Variants in CLIP1 observed in about 807,000 individuals in gnomAD.
CLIP1 encodes the protein CAP-Gly domain-containing linker protein 1.
In CLIP1, 66 loss-of-function variants were observed where a neutral mutation model predicts 161.6. The ratio of observed to expected loss-of-function variants is 0.41; its 90% CI spans 0.33 to 0.50. The LOEUF (loss-of-function observed/expected upper bound fraction) is 0.50. CLIP1 is among the 20% of genes least tolerant of loss of function. The pLI, the probability that CLIP1 is intolerant of heterozygous loss-of-function variation, is 0.27. For synonymous variants in CLIP1, 598 were observed against 626.2 expected, an observed-to-expected ratio of 0.96 and a Z score of 0.67; for missense variants, 1,376 against 1,702.0, an observed-to-expected ratio of 0.81 and a Z score of 3.37.
chr12:122,321,519 C>G (rs370719057), intron 17 of CLIP1, among the ~76,000 whole-genome samples: 1 of 151,170 alleles, frequency 6.6e-6, no homozygotes, highest in South Asian at 2.1e-4. Flanking sequence ...GCCACCACAC[C>G]TGGCTGTTCT....
intron 2 of CLIP1, among the ~76,000 whole-genome samples, chr12:122,379,657 C>A (rs1053002372): frequency 2.0e-5 from 3 of 149,948 alleles, no homozygotes; most frequent in African/African-American, 7.4e-5. Flanking sequence ...ATTAAAAATT[C>A]TTTCAGGCCA....
rs149691135 is a variant in CLIP1 at position 122,380,563 on chromosome 12, A to T, written c.-106-5T>A. On this transcript the variant is annotated splice_region_variant and splice_polypyrimidine_tract_variant and intron_variant, in intron 1 of 25. Coordinates refer to ENST00000620786, the MANE Select transcript of CLIP1 (RefSeq NM_001247997.2). ...AAGTCAGTCTCTGGATTAAATCTGCAAAGAGAAAGAAATAAAAAGATTTTA... is the reference window on the plus strand; with the variant it reads ...AAGTCAGTCTCTGGATTAAATCTGCTAAGAGAAAGAAATAAAAAGATTTTA... 1 of 566,442 alleles carries T rather than the reference A, an allele frequency of 1.8e-6. No homozygotes were observed. 35.1% of individuals were successfully genotyped at this position (566,442 alleles called of 1,614,324 possible).
At chr12:122,332,430 A>C (rs7953007) in intron 15 of CLIP1, among the ~76,000 whole-genome samples, 119,140 of 151,628 alleles carry the variant, frequency 0.79, 47,117 homozygotes, top group African/African-American at 0.86. Context: ...CTTTTTTCTT[A>C]TTTCTTTTTA....
chr12:122,332,004 T>A (rs1436481201), intron 15 of CLIP1, among the ~76,000 whole-genome samples: 2 of 150,806 alleles, frequency 1.3e-5, no homozygotes, highest in African/African-American at 4.9e-5. Context: ...CAAAAAAAAA[T>A]AGTTAAAAAT....
Position 122,271,850 on chromosome 12 carries a change from T to A in CLIP1, c.*1025A>T, listed in dbSNP as rs972697429. On this transcript the variant is annotated 3_prime_UTR_variant, in exon 26 of 26. Transcript: ENST00000620786. The stretch of plus-strand genomic sequence containing the variant: ...ATTCATCTAAAAACAGTAAAAAAAC[T>A]TGTGAAGGGAGATTGTAGATTGGTT... 2 of 152,564 alleles carry A rather than the reference T, an allele frequency of 1.3e-5. No homozygotes were observed. The highest frequency in any genetic ancestry group is 2.9e-5 in the Non-Finnish European group (2 of 68,022). The allele number at this position is 152,564 out of a possible 1,614,324, so 9.5% of individuals were successfully genotyped here.
intron 3 of CLIP1, among the ~76,000 whole-genome samples, chr12:122,371,452 C>T (rs754653342): frequency 1.3e-5 from 2 of 152,166 alleles, no homozygotes; most frequent in African/African-American, 4.8e-5. Flanking sequence ...GAAAACGCTC[C>T]AAACATTGTG....
chr12:122,306,635 T>G (rs1950885315), intron 20 of CLIP1, among the ~76,000 whole-genome samples: 1 of 152,142 alleles, frequency 6.6e-6, no homozygotes, highest in African/African-American at 2.4e-5. Context: ...GGCCATGACC[T>G]TTAACATGGG....
At chr12:122,396,585 A>C (rs915297466) in intron 1 of CLIP1, 1 of 152,114 alleles carries the variant, frequency 6.6e-6, no homozygotes, top group African/African-American at 2.4e-5. Flanking sequence ...TTTCACAGGC[A>C]GAAAAAAAAT....
chr12:122,273,896 T>G (rs1955282742), intron 25 of CLIP1, 142 bp downstream of exon 25: 2 of 623,410 alleles, frequency 3.2e-6, no homozygotes, highest in Non-Finnish European at 5.6e-6. Flanking sequence ...TACGCCTGGC[T>G]AACTTTTGTA....
rs34381270 is a variant in CLIP1, at chr12:122,396,933, ATTTTTTT to A, written c.-106-16382_-106-16376del. On this transcript the variant is annotated intron_variant, in intron 1 of 25. Transcript: ENST00000620786. ...AGGCAGACACCACCACACCCGGCAA[ATTTTTTT>A]TTTTTTTTTTTTTTTTTTTGTAGAG... is the stretch of plus-strand genomic sequence containing the variant. Among the ~76,000 whole-genome samples the A allele has an allele frequency of 1.3e-4, 10 of 75,062 alleles. No individual in the cohort carries two copies. The South Asian group carries it at 5.3e-3, about 40-fold the overall frequency. The allele number at this position is 75,062 out of a possible 152,430, so 49.2% of individuals were successfully genotyped here.
At chr12:122,405,839 C>T (rs947768418) in intron 1 of CLIP1, among the ~76,000 whole-genome samples, 24 of 151,692 alleles carry the variant, frequency 1.6e-4, no homozygotes, top group Admixed American at 1.1e-3. Context: ...GAGGACAAGG[C>T]GAGCGGATCA....
At chr12:122,422,022 G>C (rs893375116) in intron 1 of CLIP1, among the ~76,000 whole-genome samples, 16 of 152,284 alleles carry the variant, frequency 1.1e-4, no homozygotes, top group African/African-American at 3.1e-4. Context: ...GGCCGGGCCA[G>C]GGTGCCCTCC....
intron 2 of CLIP1, among the ~76,000 whole-genome samples, chr12:122,379,302 CA>C (rs1382971522): frequency 1.4e-5 from 2 of 141,728 alleles, no homozygotes; most frequent in Non-Finnish European, 3.0e-5. Flanking sequence ...AACAATACAG[CA>C]TCTCAAAAAA....
intron 5 of CLIP1, chr12:122,356,283 A>G (rs1953351890): frequency 1.3e-5 from 2 of 152,240 alleles, no homozygotes; most frequent in African/African-American, 4.8e-5. Flanking sequence ...CAAACTCACC[A>G]GTGCACTGTA....
At chr12:122,339,649 A>G (rs1952403362) in intron 11 of CLIP1, among the ~76,000 whole-genome samples, 1 of 152,162 alleles carries the variant, frequency 6.6e-6, no homozygotes, top group South Asian at 2.1e-4. Context: ...ATAGTCAAGA[A>G]GCACTGAATT....
At chr12:122,315,166 T>C (rs1951213001) in intron 19 of CLIP1, among the ~76,000 whole-genome samples, 1 of 152,250 alleles carries the variant, frequency 6.6e-6, no homozygotes, top group East Asian at 1.9e-4. Flanking sequence ...GTATTGAGGA[T>C]GATGACTTAA....
intron 3 of CLIP1, among the ~76,000 whole-genome samples, chr12:122,375,937 G>T (rs755468926): frequency 5.3e-5 from 8 of 151,322 alleles, no homozygotes; most frequent in African/African-American, 1.5e-4. Context: ...CCCCATGTCC[G>T]GCTTATTTTA....
intron 20 of CLIP1, among the ~76,000 whole-genome samples, chr12:122,307,500 C>T (rs982818589): frequency 1.3e-5 from 2 of 152,088 alleles, no homozygotes; most frequent in African/African-American, 4.8e-5. Context: ...ATCTAGTCTC[C>T]ACTGTCTCGA....
chr12:122,289,285 G>A (rs1437098422), intron 20 of CLIP1, among the ~76,000 whole-genome samples: 1 of 152,060 alleles, frequency 6.6e-6, no homozygotes, highest in African/African-American at 2.4e-5. Context: ...AGCCAGGTGT[G>A]GTGTGTGCCT....
Sources: allele counts gnomAD v4.1 joint callset (sites outside exome capture counted in the v4.1 genomes callset), GRCh38; gene constraint gnomAD v4.1.1; transcripts MANE v1.5; gene names NCBI Gene and HGNC (gene_info 2026-07-23, HGNC 2026-07-21).